CIP2A: variants seen among roughly 807,000 people sequenced by gnomAD.
CIP2A encodes cellular inhibitor of PP2A, also known as protein CIP2A.
CIP2A carries 103 observed loss-of-function variants against 110.9 expected under a neutral mutation model. The observed-to-expected ratio is 0.93, with a 90% CI of 0.79 to 1.09. The LOEUF (loss-of-function observed/expected upper bound fraction) is 1.09, where lower values mean the gene tolerates loss of function less well. CIP2A is among the 50% of genes least tolerant of loss of function. The pLI is 0.00. For synonymous variants in CIP2A, 381 were observed against 361.6 expected, an observed-to-expected ratio of 1.05 and a Z score of -0.61; for missense variants, 1,088 against 1,038.4, an observed-to-expected ratio of 1.05 and a Z score of -0.66.
chr3:108,562,459 T>C (rs768622718), intron 13 of CIP2A, among the ~76,000 whole-genome samples: 13 of 152,110 alleles, frequency 8.5e-5, no homozygotes, highest in Admixed American at 4.6e-4. Context: ...TATCAACTAC[T>C]TCAAATTATT....
At position 108,553,653 on chromosome 3, in the gene CIP2A, A is replaced by C. The variant is rs766170273; in HGVS notation, c.2402T>G (p.Leu801Arg). Residue 801 changes from leucine to arginine, a missense_variant, in exon 19 of 21, where the codon CTA becomes CGA. Physicochemically the swap from Leu to Arg is moderately radical, Grantham distance 102. Coordinates refer to ENST00000295746, the MANE Select transcript of CIP2A (RefSeq NM_020890.3). ...TTAAATAAGAAGCCACTTACTTGCT[A>C]GCTTATGTTCTCTGTCTACTAGCTG... is the stretch of plus-strand genomic sequence containing the variant. The part of the protein sequence containing the change: ...QNQLVDREHK[L>R]ANLHQKTKVQ... 1.3e-5 allele frequency: 21 copies of C among 1,557,252 alleles called. No individual in the cohort carries two copies. The highest frequency in any genetic ancestry group is 1.8e-5 in the Non-Finnish European group (20 of 1,132,626).
intron 8 of CIP2A, among the ~76,000 whole-genome samples, chr3:108,571,376 A>G (rs1307101512): frequency 6.6e-6 from 1 of 152,138 alleles, no homozygotes; most frequent in African/African-American, 2.4e-5. Context: ...GCATTGCACC[A>G]CCATGTTAGA....
chr3:108,575,927 C>T (rs1316711359), intron 8 of CIP2A, among the ~76,000 whole-genome samples: 1 of 147,678 alleles, frequency 6.8e-6, no homozygotes, highest in Non-Finnish European at 1.5e-5. Flanking sequence ...CGTATATATA[C>T]ATACATATAC....
Position 108,552,301 on chromosome 3 carries a change from T to A in CIP2A, c.2480A>T (p.Glu827Val), listed in dbSNP as rs760017257. The A allele has an allele frequency of 6.4e-7, 1 of 1,555,960 alleles. No homozygotes were observed. The highest frequency in any genetic ancestry group is 1.2e-5 in the South Asian group (1 of 84,946). Reference sequence around the variant, plus strand: ...TTCTTTTCTAAGGATATCAATGGTTTCTTCCTTATCTTCCCTTTCCTTTTG... The same window carrying A: ...TTCTTTTCTAAGGATATCAATGGTTACTTCCTTATCTTCCCTTTCCTTTTG... ...TLQKEREDKE[E>V]TIDILRKELS... The change falls in exon 20 of 21, where the codon GAA becomes GTA. Residue 827 changes from glutamate to valine, a missense_variant. Physicochemically the swap from Glu to Val is moderately radical, Grantham distance 121. Transcript: ENST00000295746.
At chr3:108,565,910 C>A (rs957833442) in intron 11 of CIP2A, among the ~76,000 whole-genome samples, 1 of 151,750 alleles carries the variant, frequency 6.6e-6, no homozygotes, top group African/African-American at 2.4e-5. Context: ...TAAAGGTCCA[C>A]AATTACTGAC....
intron 8 of CIP2A, among the ~76,000 whole-genome samples, chr3:108,575,530 GTA>G (rs1225058903): frequency 6.8e-6 from 1 of 146,550 alleles, no homozygotes; most frequent in African/African-American, 2.7e-5. Context: ...ATATATACAC[GTA>G]TATATACTCA....
At position 108,569,294 on chromosome 3, in the gene CIP2A, T is replaced by C. The variant is rs142911373; in HGVS notation, c.1113+95A>G. ...GTAATTGAGATGTTTTCCTCAAGTG[T>C]ATGAACTGTAAGTTTACAAAGAATG... On this transcript the variant is annotated intron_variant, in intron 9 of 20. Transcript: ENST00000295746. 5.7e-3 allele frequency: 5,126 copies of C among 901,184 alleles called. 92 individuals carry two copies. Among genetic ancestry groups the C allele is most frequent in the Admixed American group, 0.04 (1,976 of 49,296 alleles). The allele number at this position is 901,184 out of a possible 1,614,324, so 55.8% of individuals were successfully genotyped here. A position where few individuals can be genotyped will look rare whatever the true frequency, so the allele number is the denominator to read the frequency against.
chr3:108,587,757 T>A (rs1022570102), intron 1 of CIP2A, among the ~76,000 whole-genome samples: 1 of 152,046 alleles, frequency 6.6e-6, no homozygotes, highest in Admixed American at 6.5e-5. Flanking sequence ...AAAGACCCCA[T>A]CCCATATTTT....
Position 108,550,280 on chromosome 3 carries a change from G to A in CIP2A, c.*869C>T, listed in dbSNP as rs1016562262. On this transcript the variant is annotated 3_prime_UTR_variant, in exon 21 of 21. Coordinates refer to ENST00000295746, the MANE Select transcript of CIP2A (RefSeq NM_020890.3). ...AAATGAACCAATTAAAAACTATTAG[G>A]ACAACAAATTAAATACAATTCATAT... The A allele has an allele frequency of 4.0e-5, 6 of 151,076 alleles. No homozygotes were observed. The highest frequency in any genetic ancestry group is 1.5e-4 in the African/African-American group (6 of 41,292). 9.4% of individuals were successfully genotyped at this position (151,076 alleles called of 1,614,324 possible).
At chr3:108,573,493 A>G (rs1938466651) in intron 8 of CIP2A, among the ~76,000 whole-genome samples, 1 of 151,568 alleles carries the variant, frequency 6.6e-6, no homozygotes, top group Admixed American at 6.6e-5. Flanking sequence ...TCAGGTTTTG[A>G]TACCCATAGA....
intron 5 of CIP2A, among the ~76,000 whole-genome samples, chr3:108,580,503 CA>C (rs1264616776): frequency 6.7e-6 from 1 of 150,056 alleles, no homozygotes; most frequent in Non-Finnish European, 1.5e-5. Context: ...AAGACCAGGG[CA>C]GAAAAATGTA....
chr3:108,585,288 C>T (rs952259059), intron 1 of CIP2A, 76 bp from the exon 2 acceptor site: 67 of 1,371,636 alleles, frequency 4.9e-5, no homozygotes, highest in Non-Finnish European at 6.4e-5. Context: ...ATAAAAAACT[C>T]AGTTCCCTCA....
intron 16 of CIP2A, 119 bp from the exon 17 acceptor site, chr3:108,557,533 A>C (rs1937852156): frequency 1.5e-6 from 1 of 660,278 alleles, no homozygotes; most frequent in Non-Finnish European, 2.4e-6. Context: ...GGGTCATGCA[A>C]AGCTGTATTA....
chr3:108,580,825 A>AC (rs2107365137), intron 5 of CIP2A, among the ~76,000 whole-genome samples: 1 of 152,190 alleles, frequency 6.6e-6, no homozygotes, highest in Non-Finnish European at 1.5e-5. Context: ...GACAGGGTTC[A>AC]CCATGTTGGC....
intron 19 of CIP2A, 147 bp from the exon 20 acceptor site, chr3:108,552,520 C>A (rs1937620316): frequency 2.2e-6 from 1 of 450,092 alleles, no homozygotes; most frequent in South Asian, 4.8e-5. Flanking sequence ...ATAGAAAATA[C>A]CAAATCTCCA....
rs1000754025 is a variant in CIP2A, at chr3:108,589,301, G to A, written c.75C>T (p.Asn25=). 6.2e-7 allele frequency: 1 copy of A among 1,614,030 alleles called. No individual in the cohort carries two copies. The highest frequency in any genetic ancestry group is 8.5e-7 in the Non-Finnish European group (1 of 1,179,922). Residue 25 remains asparagine (N), a synonymous_variant, in exon 1 of 21, where the codon AAC becomes AAT. Transcript: ENST00000295746. ...CCAAGTGCCGCAAAAGCTGAGTGGC[G>A]TTCGCCTCTGACTTCACGGCTTTGT... The part of the protein sequence containing the change: ...SQYKAVKSEA[N]ATQLLRHLEV...
Position 108,582,989 on chromosome 3 carries a change from CGAA to C in CIP2A, c.342_344del (p.Asp114_Ser115delinsGlu). The C allele has an allele frequency of 6.2e-7, 1 of 1,606,862 alleles. No homozygotes were observed. ...TGGGTCTGTATACCTGCAAAAACAC[CGAA>C]TCAGTGTGGCTGCTCCGACAAACCA... On this transcript the variant is annotated inframe_deletion, in exon 3 of 21. Transcript: ENST00000295746.
chr3:108,555,719 C>T (rs540913812), intron 17 of CIP2A, among the ~76,000 whole-genome samples: 1 of 152,326 alleles, frequency 6.6e-6, no homozygotes, highest in Admixed American at 6.5e-5. Flanking sequence ...TAACCAACTG[C>T]AAATCGAAAA....
intron 13 of CIP2A, among the ~76,000 whole-genome samples, chr3:108,561,863 G>T (rs916162848): frequency 6.6e-6 from 1 of 152,132 alleles, no homozygotes; most frequent in Non-Finnish European, 1.5e-5. Flanking sequence ...CCAAGACACA[G>T]TCAAAATGGT....
Sources: gnomAD v4.1 joint callset for allele counts (sites outside exome capture counted in the v4.1 genomes callset) on GRCh38, gnomAD v4.1.1 for gene constraint, MANE v1.5 for transcripts, NCBI Gene and HGNC (gene_info 2026-07-23, HGNC 2026-07-21) for gene names.